Variants in ZNF366 observed in about 807,000 individuals in gnomAD.
ZNF366 encodes dendritic cell-specific transcript protein.
In ZNF366, 20 loss-of-function variants were observed where a neutral mutation model predicts 47.2. The observed-to-expected ratio is 0.42, with a 90% CI of 0.30 to 0.62. ZNF366 has a LOEUF of 0.62. Among genes scored for constraint, ZNF366 ranks in the 20% least tolerant of loss-of-function variants. The probability of loss-of-function intolerance (pLI) is 0.16; values close to 1 mark genes in which losing one functional copy is unlikely to be tolerated. For synonymous variants in ZNF366, 421 were observed against 395.1 expected, an observed-to-expected ratio of 1.07 and a Z score of -0.78; for missense variants, 987 against 976.3, an observed-to-expected ratio of 1.01 and a Z score of -0.15.
At chr5:72,500,498 C>G (rs1386995177) in intron 1 of ZNF366, among the ~76,000 whole-genome samples, 1 of 152,094 alleles carries the variant, frequency 6.6e-6, no homozygotes, top group African/African-American at 2.4e-5. Flanking sequence ...AAATAATACC[C>G]TCGCCCTTTC....
chr5:72,505,167 A>G (rs996059653), intron 1 of ZNF366, among the ~76,000 whole-genome samples: 22 of 152,200 alleles, frequency 1.4e-4, no homozygotes, highest in African/African-American at 2.9e-4. Flanking sequence ...AATTCCCCCA[A>G]TGATATCACA....
At chr5:72,444,394 T>A in intron 4 of ZNF366, 103 bp from the exon 5 acceptor site, 1 of 1,274,902 alleles carries the variant, frequency 7.8e-7, no homozygotes, top group Non-Finnish European at 1.1e-6. Flanking sequence ...TTCCGATGCG[T>A]ATTTTAAAAA....
chr5:72,483,146 A>G (rs923398741), intron 1 of ZNF366, among the ~76,000 whole-genome samples: 21 of 152,170 alleles, frequency 1.4e-4, no homozygotes, highest in African/African-American at 5.1e-4. Context: ...TAGAAGATCC[A>G]TGCTGGTCAG....
At chr5:72,497,577 T>C (rs906046093) in intron 1 of ZNF366, among the ~76,000 whole-genome samples, 1 of 152,184 alleles carries the variant, frequency 6.6e-6, no homozygotes, top group African/African-American at 2.4e-5. Context: ...AATTATTTTC[T>C]GTCCAAATAA....
rs1367899086 is a variant in ZNF366 at position 72,502,620 on chromosome 5, A to C, written c.-15+4631T>G. On this transcript the variant is annotated intron_variant, in intron 1 of 4. Coordinates refer to ENST00000318442, the MANE Select transcript of ZNF366 (RefSeq NM_152625.3). Reference sequence around the variant, plus strand: ...CCATTATCAATCTTTTTGCCTTTCTACATCACCATTAAATTAGGGACAAGG... The same window carrying C: ...CCATTATCAATCTTTTTGCCTTTCTCCATCACCATTAAATTAGGGACAAGG... Among the ~76,000 whole-genome samples, 3 of 152,316 alleles carry C rather than the reference A, an allele frequency of 2.0e-5. No homozygotes were observed. In the East Asian group the frequency reaches 5.8e-4, roughly 29 times the overall value.
chr5:72,494,455 C>G (rs531657388), intron 1 of ZNF366, among the ~76,000 whole-genome samples: 20 of 152,254 alleles, frequency 1.3e-4, no homozygotes, highest in African/African-American at 4.1e-4. Context: ...GAAGAGCAGA[C>G]AGACATGAAA....
intron 1 of ZNF366, among the ~76,000 whole-genome samples, chr5:72,471,695 A>C (rs1254641794): frequency 6.6e-6 from 1 of 152,220 alleles, no homozygotes; most frequent in Non-Finnish European, 1.5e-5. Flanking sequence ...TGACTTAGCT[A>C]TTCAAACACT....
intron 1 of ZNF366, among the ~76,000 whole-genome samples, chr5:72,499,479 C>CTTT (rs894702691): frequency 0.01 from 1,158 of 112,138 alleles, 33 homozygotes; most frequent in African/African-American, 0.036. Context: ...GGAATCCTGC[C>CTTT]TTTTTTTTTT....
At chr5:72,495,578 T>C (rs1744096891) in intron 1 of ZNF366, among the ~76,000 whole-genome samples, 2 of 151,962 alleles carry the variant, frequency 1.3e-5, no homozygotes. Context: ...AAACGGAGAG[T>C]CAACTGAATG....
chr5:72,492,287 T>A (rs1025631953), intron 1 of ZNF366, among the ~76,000 whole-genome samples: 2 of 152,058 alleles, frequency 1.3e-5, no homozygotes, highest in Non-Finnish European at 2.9e-5. Context: ...AGAAAATGGG[T>A]CTTACTTTAG....
chr5:72,500,518 T>G (rs1934383479), intron 1 of ZNF366, among the ~76,000 whole-genome samples: 1 of 152,178 alleles, frequency 6.6e-6, no homozygotes, highest in African/African-American at 2.4e-5. Context: ...CTGAGAGTGC[T>G]AGGATCCCAT....
chr5:72,481,863 C>A (rs906462594), intron 1 of ZNF366, among the ~76,000 whole-genome samples: 3 of 152,152 alleles, frequency 2.0e-5, no homozygotes, highest in Admixed American at 6.5e-5. Context: ...CCCCCAAACC[C>A]CTGAGGTGAA....
intron 1 of ZNF366, among the ~76,000 whole-genome samples, chr5:72,473,654 T>C (rs1743614214): frequency 6.6e-6 from 1 of 152,232 alleles, no homozygotes; most frequent in African/African-American, 2.4e-5. Flanking sequence ...AAGTTCAGCT[T>C]CTTCCCGGAA....
chr5:72,461,257 C>T lies in ZNF366; in HGVS notation c.240G>A (p.Lys80=), dbSNP rs1743306328. The change falls in exon 2 of 5, where the codon AAG becomes AAA. Residue 80 remains lysine, a synonymous_variant. Coordinates refer to ENST00000318442, the MANE Select transcript of ZNF366 (RefSeq NM_152625.3). ...VFEGAGSRKR[K]SMPTKMPYNH... ...TATAGGGCATCTTTGTGGGCATGCTCTTCCGTTTCCTAGACCCTGCTCCTT... is the reference window on the plus strand; with the variant it reads ...TATAGGGCATCTTTGTGGGCATGCTTTTCCGTTTCCTAGACCCTGCTCCTT... The T allele has an allele frequency of 1.2e-6, 2 of 1,614,032 alleles. No individual in the cohort carries two copies. The highest frequency in any genetic ancestry group is 2.7e-5 in the African/African-American group (2 of 74,916).
intron 1 of ZNF366, among the ~76,000 whole-genome samples, chr5:72,492,914 C>T (rs927944513): frequency 6.6e-6 from 1 of 152,202 alleles, no homozygotes; most frequent in African/African-American, 2.4e-5. Flanking sequence ...CGCCTGATCC[C>T]TTAAATGCAT....
In ZNF366 at chr5:72,460,033, G is replaced by A. The variant is rs527694100; in HGVS notation, c.1332+132C>T. The A allele has an allele frequency of 5.9e-5, 74 of 1,249,758 alleles. 1 individual carries two copies. In the South Asian group the frequency reaches 6.3e-4, roughly 11 times the overall value. 77.4% of individuals were successfully genotyped at this position (1,249,758 alleles called of 1,614,324 possible). A position where few individuals can be genotyped will look rare whatever the true frequency, so the allele number is the denominator to read the frequency against. Reference sequence around the variant, plus strand: ...GACCTCAGGGCTCGGCCAAGGGACCGCTTGTCCGGGGTTGCCCACCTCCTC... The same window carrying A: ...GACCTCAGGGCTCGGCCAAGGGACCACTTGTCCGGGGTTGCCCACCTCCTC... On this transcript the variant is annotated intron_variant, in intron 2 of 4. Transcript: ENST00000318442.
intron 1 of ZNF366, among the ~76,000 whole-genome samples, chr5:72,476,869 G>A (rs931794152): frequency 6.6e-6 from 1 of 152,108 alleles, no homozygotes; most frequent in Non-Finnish European, 1.5e-5. Context: ...GCTTAACAAT[G>A]AGGAAGAGGG....
At chr5:72,451,200 G>T (rs201680202) in intron 3 of ZNF366, among the ~76,000 whole-genome samples, 3 of 152,252 alleles carry the variant, frequency 2.0e-5, no homozygotes, top group African/African-American at 7.2e-5. Flanking sequence ...ATCTCATTGC[G>T]CAGGTGCGCA....
In ZNF366 at chr5:72,456,397, T is replaced by C. The variant is rs1446050984; in HGVS notation, c.1524+7A>G. ...CCCTCTGGTTCCTCTCTAGTCCCACTGCCCACCTTGCATTTGAAAGGCTTC... is the reference window on the plus strand; with the variant it reads ...CCCTCTGGTTCCTCTCTAGTCCCACCGCCCACCTTGCATTTGAAAGGCTTC... On this transcript the variant is annotated splice_region_variant and intron_variant, in intron 3 of 4. Transcript: ENST00000318442. 1.9e-6 allele frequency: 3 copies of C among 1,595,342 alleles called. No homozygotes were observed. Among genetic ancestry groups the C allele is most frequent in the Non-Finnish European group, 1.7e-6 (2 of 1,165,720 alleles).
Sources: gnomAD v4.1 joint callset for allele counts (sites outside exome capture counted in the v4.1 genomes callset) on GRCh38, gnomAD v4.1.1 for gene constraint, MANE v1.5 for transcripts, NCBI Gene and HGNC (gene_info 2026-07-23, HGNC 2026-07-21) for gene names.